The following SGCG variants were observed in gnomAD, a reference collection of about 807,000 sequenced individuals.
SGCG encodes sarcoglycan gamma, also known as gamma-sarcoglycan.
A neutral mutation model predicts 29.3 loss-of-function variants in SGCG; 26 were observed. The ratio of observed to expected loss-of-function variants is 0.89; its 90% CI spans 0.65 to 1.23. SGCG has a LOEUF of 1.23. Among genes scored for constraint, SGCG ranks in the 50% most tolerant of loss-of-function variants. The pLI is 0.00. For missense variants in SGCG, 353 were observed against 356.0 expected (o/e 0.99, Z 0.07); for synonymous variants, 145 against 129.7 (o/e 1.12, Z -0.80).
At chr13:23,274,972 A>G (rs894188726) in intron 4 of SGCG, among the ~76,000 whole-genome samples, 3 of 152,030 alleles carry the variant, frequency 2.0e-5, no homozygotes, top group South Asian at 2.1e-4. Flanking sequence ...TAATGCCACA[A>G]TTCATAATTC....
intron 5 of SGCG, among the ~76,000 whole-genome samples, chr13:23,289,807 T>C (rs1039485215): frequency 1.3e-5 from 2 of 152,192 alleles, no homozygotes; most frequent in African/African-American, 4.8e-5. Context: ...ATTTAGGATT[T>C]GTTTTAGTTC....
intron 2 of SGCG, among the ~76,000 whole-genome samples, chr13:23,214,858 G>A (rs1878366316): frequency 1.3e-5 from 2 of 152,086 alleles, no homozygotes; most frequent in African/African-American, 2.4e-5. Context: ...GTGCTTTCCA[G>A]TCCAAAAATC....
intron 6 of SGCG, among the ~76,000 whole-genome samples, chr13:23,300,929 C>T (rs1882134575): frequency 2.0e-5 from 3 of 151,552 alleles, no homozygotes; most frequent in South Asian, 2.1e-4. Flanking sequence ...TCCTGGCTAA[C>T]ACGGTGAAAC....
chr13:23,192,812 A>C (rs1226080548), intron 1 of SGCG, among the ~76,000 whole-genome samples: 2 of 152,256 alleles, frequency 1.3e-5, no homozygotes, highest in Admixed American at 6.5e-5. Context: ...TATTTGACCA[A>C]TACATTGTGG....
At chr13:23,268,379 G>A (rs945870212) in intron 4 of SGCG, 1 of 152,266 alleles carries the variant, frequency 6.6e-6, no homozygotes, top group East Asian at 1.9e-4. Flanking sequence ...CAAACATAAA[G>A]ATGTGATCAT....
At chr13:23,306,221 T>C (rs1206045748) in intron 6 of SGCG, among the ~76,000 whole-genome samples, 1 of 152,136 alleles carries the variant, frequency 6.6e-6, no homozygotes, top group African/African-American at 2.4e-5. Context: ...AATTAGGAAG[T>C]TTTTCCTCAT....
intron 5 of SGCG, among the ~76,000 whole-genome samples, chr13:23,284,038 T>A (rs1881406214): frequency 6.6e-6 from 1 of 152,220 alleles, no homozygotes; most frequent in Non-Finnish European, 1.5e-5. Flanking sequence ...GCCCTTAACA[T>A]GTTTTCCTTT....
intron 1 of SGCG, among the ~76,000 whole-genome samples, chr13:23,200,177 C>T (rs923336865): frequency 6.6e-6 from 1 of 152,126 alleles, no homozygotes; most frequent in African/African-American, 2.4e-5. Flanking sequence ...AATCCCAGCA[C>T]TTTGGGAGGC....
At chr13:23,288,320 C>T (rs1426498275) in intron 5 of SGCG, among the ~76,000 whole-genome samples, 1 of 152,132 alleles carries the variant, frequency 6.6e-6, no homozygotes, top group African/African-American at 2.4e-5. Flanking sequence ...TGCACAGCAG[C>T]CCATAGCTCT....
chr13:23,299,668 G>A (rs1372686686), intron 6 of SGCG, among the ~76,000 whole-genome samples: 1 of 150,966 alleles, frequency 6.6e-6, no homozygotes, highest in Non-Finnish European at 1.5e-5. Flanking sequence ...TAGCCAGGAT[G>A]GTCTTGACCT....
At chr13:23,265,507 G>A (rs935216465) in intron 4 of SGCG, among the ~76,000 whole-genome samples, 1 of 152,192 alleles carries the variant, frequency 6.6e-6, no homozygotes, top group African/African-American at 2.4e-5. Flanking sequence ...GAACCTGGGA[G>A]GTGGAGGTTG....
intron 1 of SGCG, among the ~76,000 whole-genome samples, chr13:23,189,269 T>C (rs1238221000): frequency 6.6e-6 from 1 of 152,170 alleles, no homozygotes; most frequent in East Asian, 1.9e-4. Context: ...CTCCGCCTCC[T>C]GGGTTCAAAC....
Position 23,318,735 on chromosome 13 carries a change from C to T in SGCG, c.579-1902C>T, listed in dbSNP as rs1264855836. Among the ~76,000 whole-genome samples, 3 of 152,164 alleles carry T rather than the reference C, an allele frequency of 2.0e-5. No homozygotes were observed. In the East Asian group the frequency reaches 5.8e-4, roughly 29 times the overall value. ...CAATCTGGGTTGAACTGAAATTTCTCATCTCCAAGTCTAGAAATAATGCAA... is the reference window on the plus strand; with the variant it reads ...CAATCTGGGTTGAACTGAAATTTCTTATCTCCAAGTCTAGAAATAATGCAA... On this transcript the variant is annotated intron_variant, in intron 6 of 7. Transcript: ENST00000218867.
chr13:23,182,975 C>T lies in SGCG; in HGVS notation c.-1+1900C>T, dbSNP rs184977226. Among the ~76,000 whole-genome samples, 23 of 152,348 alleles carry T rather than the reference C, an allele frequency of 1.5e-4. No individual in the cohort carries two copies. In the East Asian group the frequency reaches 4.1e-3, roughly 27 times the overall value. On this transcript the variant is annotated intron_variant, in intron 1 of 7. Transcript: ENST00000218867. ...GTACCTTAAAACCTAGCTTCACCTT[C>T]GTGACTTCTTTAACTCTGTTTTTAA...
chr13:23,319,672 A>T (rs1882961806), intron 6 of SGCG, among the ~76,000 whole-genome samples: 1 of 152,164 alleles, frequency 6.6e-6, no homozygotes, highest in Admixed American at 6.5e-5. Flanking sequence ...TCCTCCCATG[A>T]AACCCTAGCC....
At chr13:23,162,664 C>G in the SGCG span, among the ~76,000 whole-genome samples, 2 of 150,866 alleles carry the variant, frequency 1.3e-5, no homozygotes, top group African/African-American at 4.9e-5. Flanking sequence ...AACCCGATCT[C>G]TGCTAAAAAT....
intron 2 of SGCG, among the ~76,000 whole-genome samples, chr13:23,204,608 TCTTTC>T (rs1877908111): frequency 2.6e-5 from 2 of 76,638 alleles, no homozygotes; most frequent in African/African-American, 1.2e-4. Context: ...TTCTTTCTTT[TCTTTC>T]TTTTCTTTCT....
At chr13:23,292,388 G>A (rs1383359588) in intron 5 of SGCG, among the ~76,000 whole-genome samples, 3 of 151,992 alleles carry the variant, frequency 2.0e-5, no homozygotes, top group Non-Finnish European at 4.4e-5. Flanking sequence ...GGGATTACCG[G>A]CGTGAGCCAC....
At chr13:23,296,644 T>G (rs1378859576) in intron 6 of SGCG, among the ~76,000 whole-genome samples, 3 of 152,212 alleles carry the variant, frequency 2.0e-5, no homozygotes, top group Admixed American at 6.5e-5. Flanking sequence ...TGGATTTGAC[T>G]AATCTGGGTG....
Sources: gnomAD v4.1 joint callset for allele counts (sites outside exome capture counted in the v4.1 genomes callset) on GRCh38, gnomAD v4.1.1 for gene constraint, MANE v1.5 for transcripts, NCBI Gene and HGNC (gene_info 2026-07-23, HGNC 2026-07-21) for gene names.